The following ADGB variants were observed in gnomAD, a reference collection of about 807,000 sequenced individuals.
ADGB encodes the protein calpain-7-like protein.
ADGB carries 172 observed loss-of-function variants against 210.5 expected under a neutral mutation model. The observed-to-expected ratio is 0.82, with a 90% confidence interval of 0.72 to 0.93. The LOEUF is 0.93. ADGB is among the 40% of genes least tolerant of loss of function. The pLI, the probability that ADGB is intolerant of heterozygous loss-of-function variation, is 0.00. For missense variants in ADGB, 2,025 were observed against 1,964.8 expected, an observed-to-expected ratio of 1.03 and a Z score of -0.58; for synonymous variants, 658 against 662.7, an observed-to-expected ratio of 0.99 and a Z score of 0.11.
intron 1 of ADGB, among the ~76,000 whole-genome samples, chr6:146,628,950 C>T (rs181095844): frequency 6.6e-5 from 10 of 151,966 alleles, no homozygotes; most frequent in African/African-American, 2.4e-4. Flanking sequence ...AAATTCAAAC[C>T]TGAAATAACA....
intron 9 of ADGB, among the ~76,000 whole-genome samples, chr6:146,681,499 G>A (rs910371610): frequency 6.6e-5 from 10 of 152,180 alleles, no homozygotes; most frequent in Middle Eastern, 3.4e-3. Context: ...ATACAGTCCA[G>A]TAAAACTTAA....
At chr6:146,674,824 G>T (rs1583584923) in intron 8 of ADGB, among the ~76,000 whole-genome samples, 1 of 152,092 alleles carries the variant, frequency 6.6e-6, no homozygotes, top group South Asian at 2.1e-4. Flanking sequence ...AACACATTTT[G>T]GTGAGCACTG....
intron 3 of ADGB, among the ~76,000 whole-genome samples, chr6:146,646,198 C>A (rs1469561718): frequency 2.0e-5 from 3 of 151,962 alleles, no homozygotes; most frequent in Admixed American, 6.6e-5. Context: ...AGTATGTATT[C>A]CCCCTTTCCT....
chr6:146,749,591 A>G (rs1431565714), intron 26 of ADGB, among the ~76,000 whole-genome samples: 1 of 152,158 alleles, frequency 6.6e-6, no homozygotes, highest in African/African-American at 2.4e-5. Context: ...TAGGATGGTG[A>G]CAAACTCCTT....
At chr6:146,621,760 CA>C (rs1179560601) in intron 1 of ADGB, among the ~76,000 whole-genome samples, 1 of 152,088 alleles carries the variant, frequency 6.6e-6, no homozygotes. Flanking sequence ...TTTTAATATT[CA>C]CTGTCCATTG....
chr6:146,652,498 T>C (rs1267686484), intron 3 of ADGB, among the ~76,000 whole-genome samples: 1 of 152,166 alleles, frequency 6.6e-6, no homozygotes, highest in Non-Finnish European at 1.5e-5. Flanking sequence ...CCTAAAAACC[T>C]GATTCTCTAA....
intron 18 of ADGB, chr6:146,725,214 A>G (rs1188142029): frequency 6.6e-6 from 1 of 152,216 alleles, no homozygotes; most frequent in Non-Finnish European, 1.5e-5. Flanking sequence ...GGAATTTAAT[A>G]AAGATTCTTC....
chr6:146,668,545 C>A (rs1775966533), intron 7 of ADGB, among the ~76,000 whole-genome samples: 1 of 151,960 alleles, frequency 6.6e-6, no homozygotes, highest in Admixed American at 6.6e-5. Flanking sequence ...AAATGACTTC[C>A]TGACATAATG....
At chr6:146,654,442 TCCC>T (rs1775750952) in intron 4 of ADGB, among the ~76,000 whole-genome samples, 1 of 69,594 alleles carries the variant, frequency 1.4e-5, no homozygotes, top group South Asian at 5.0e-4. Context: ...AGTCTCAACC[TCCC>T]GGGCTAAAAA....
chr6:146,653,101 G>C (rs1160143210), intron 3 of ADGB, among the ~76,000 whole-genome samples: 2 of 152,050 alleles, frequency 1.3e-5, no homozygotes, highest in East Asian at 3.9e-4. Flanking sequence ...AACTTACTGT[G>C]AACTGCGTGT....
Position 146,647,173 on chromosome 6 carries a change from G to C in ADGB, c.330+2308G>C, listed in dbSNP as rs186266313. Among the ~76,000 whole-genome samples the C allele has an allele frequency of 2.0e-3, 296 of 151,286 alleles. 1 individual carries two copies. The highest frequency in any genetic ancestry group is 7.0e-3 in the African/African-American group (289 of 41,312). On this transcript the variant is annotated intron_variant, in intron 3 of 35. Transcript: ENST00000397944. Reference sequence around the variant, plus strand: ...AACAAACAAAAAAAACCAGATTCCTGGGTCTGATAGTTAAAAGACTTTAAA... The same window carrying C: ...AACAAACAAAAAAAACCAGATTCCTCGGTCTGATAGTTAAAAGACTTTAAA...
intron 20 of ADGB, among the ~76,000 whole-genome samples, chr6:146,732,166 T>A (rs1355102207): frequency 6.6e-6 from 1 of 152,206 alleles, no homozygotes; most frequent in Non-Finnish European, 1.5e-5. Flanking sequence ...AATGCAACTC[T>A]TGATCCACGG....
chr6:146,769,827 A>C (rs181413237), intron 29 of ADGB, among the ~76,000 whole-genome samples: 1 of 152,342 alleles, frequency 6.6e-6, no homozygotes, highest in East Asian at 1.9e-4. Context: ...AAAATGTAAA[A>C]GCCTCCATTT....
chr6:146,809,674 T>C lies in ADGB; in HGVS notation c.4819-5358T>C, dbSNP rs1015394043. ...AAATATTTAATACTCCCATAAATGA[T>C]CAACTAATTTTTGACAAGGATGCCA... On this transcript the variant is annotated intron_variant, in intron 35 of 35. Coordinates refer to ENST00000397944, the MANE Select transcript of ADGB (RefSeq NM_024694.4). 5.9e-5 allele frequency among the ~76,000 whole-genome samples: 9 copies of C among 152,246 alleles called. No individual in the cohort carries two copies. The South Asian group carries it at 8.3e-4, about 14-fold the overall frequency.
chr6:146,806,189 G>A (rs1182911513), intron 35 of ADGB, among the ~76,000 whole-genome samples: 1 of 152,144 alleles, frequency 6.6e-6, no homozygotes, highest in Non-Finnish European at 1.5e-5. Flanking sequence ...GATAGGAAAC[G>A]GGGAAAAAAT....
chr6:146,665,819 T>C (rs965199577), intron 6 of ADGB, among the ~76,000 whole-genome samples: 6 of 152,096 alleles, frequency 3.9e-5, no homozygotes, highest in Non-Finnish European at 7.4e-5. Context: ...TGATTGCTTT[T>C]ATATGAGGAT....
At chr6:146,767,586 A>G (rs531698166) in intron 28 of ADGB, among the ~76,000 whole-genome samples, 3 of 152,206 alleles carry the variant, frequency 2.0e-5, no homozygotes, top group Non-Finnish European at 4.4e-5. Context: ...CTCTCGTCTC[A>G]GCCTCTGGAG....
chr6:146,719,833 A>C (rs1323914005), intron 16 of ADGB, among the ~76,000 whole-genome samples: 3 of 152,150 alleles, frequency 2.0e-5, no homozygotes, highest in East Asian at 1.9e-4. Context: ...TCATATTTTC[A>C]GATAGTGAAT....
rs1156721550 is a variant in ADGB at position 146,654,126 on chromosome 6, T to A, written c.331-9T>A. 2.7e-6 allele frequency: 4 copies of A among 1,491,794 alleles called. No homozygotes were observed. Among genetic ancestry groups the A allele is most frequent in the Non-Finnish European group, 3.6e-6 (4 of 1,096,406 alleles). The allele number at this position is 1,491,794 out of a possible 1,614,324, so 92.4% of individuals were successfully genotyped here. A position where few individuals can be genotyped will look rare whatever the true frequency, so the allele number is the denominator to read the frequency against. On this transcript the variant is annotated splice_polypyrimidine_tract_variant and intron_variant, in intron 3 of 35. Coordinates refer to ENST00000397944, the MANE Select transcript of ADGB (RefSeq NM_024694.4). ...TATGGAGTAATATATACATATATAT[T>A]TTTTTCAGACTCCAGTAGTTGTGAA...
Sources: allele counts gnomAD v4.1 joint callset (sites outside exome capture counted in the v4.1 genomes callset), GRCh38; gene constraint gnomAD v4.1.1; transcripts MANE v1.5; gene names NCBI Gene and HGNC (gene_info 2026-07-23, HGNC 2026-07-21).